BSDC1: variants seen among roughly 807,000 people sequenced by gnomAD.
The protein encoded by BSDC1 is BSD domain-containing protein 1.
In BSDC1, 29 loss-of-function variants were observed where a neutral mutation model predicts 56.0. The ratio of observed to expected loss-of-function variants is 0.52; its 90% CI spans 0.39 to 0.71. The LOEUF (loss-of-function observed/expected upper bound fraction) is 0.71, where lower values mean the gene tolerates loss of function less well. Ranked by LOEUF, BSDC1 falls within the 30% of genes least tolerant of loss-of-function variation. BSDC1 has a pLI of 0.00. For synonymous variants in BSDC1, 210 were observed against 215.3 expected, an observed-to-expected ratio of 0.98 and a Z score of 0.21; for missense variants, 477 against 548.5, an observed-to-expected ratio of 0.87 and a Z score of 1.30.
rs921847364 is a variant in BSDC1 at position 32,366,175 on chromosome 1, G to A, written c.*447C>T. 7.6e-5 allele frequency: 18 copies of A among 236,386 alleles called. 1 individual carries two copies. The Admixed American group carries it at 9.0e-4, about 12-fold the overall frequency. The allele number at this position is 236,386 out of a possible 1,614,324, so 14.6% of individuals were successfully genotyped here. ...GTTCACTGTCCCTGTTTAGCCAAGG[G>A]TAGGTGGCATGGCCCTCCCTGCCTG... On this transcript the variant is annotated 3_prime_UTR_variant, in exon 11 of 11. Transcript: ENST00000455895.
rs1338445652 is a variant in BSDC1, at chr1:32,368,491, C to T, written c.1216G>A (p.Glu406Lys). The T allele has an allele frequency of 6.2e-7, 1 of 1,614,152 alleles. No individual in the cohort carries two copies. The highest frequency in any genetic ancestry group is 8.5e-7 in the Non-Finnish European group (1 of 1,180,030). Reference sequence around the variant, plus strand: ...TTGGAAAGTGCCATCTGCACCTCCTCTTCAGTCATGTCCAAGTCAAAGTCT... The same window carrying T: ...TTGGAAAGTGCCATCTGCACCTCCTTTTCAGTCATGTCCAAGTCAAAGTCT... ...EKDFDLDMTE[E>K]EVQMALSKVD... Residue 406 changes from glutamate to lysine, a missense_variant, in exon 10 of 11, where the codon GAG becomes AAG. Glu to Lys is a moderately conservative substitution (Grantham distance 56). Coordinates refer to ENST00000455895, the MANE Select transcript of BSDC1 (RefSeq NM_018045.8).
In BSDC1 at chr1:32,364,971, C is replaced by T. The variant is rs1446157050; in HGVS notation, c.*1651G>A. 6.6e-6 allele frequency: 1 copy of T among 152,306 alleles called. No homozygotes were observed. Among genetic ancestry groups the T allele is most frequent in the Non-Finnish European group, 1.5e-5 (1 of 68,132 alleles). 9.4% of individuals were successfully genotyped at this position (152,306 alleles called of 1,614,324 possible). A position where few individuals can be genotyped will look rare whatever the true frequency, so the allele number is the denominator to read the frequency against. On this transcript the variant is annotated 3_prime_UTR_variant, in exon 11 of 11. Coordinates refer to ENST00000455895, the MANE Select transcript of BSDC1 (RefSeq NM_018045.8). ...TCTCATCCCAAAGGCAAAGCTGAAT[C>T]TGGGATGAGGACAAGGTACGTCCTC...
chr1:32,388,689 T>C (rs1642755170), intron 2 of BSDC1, among the ~76,000 whole-genome samples: 1 of 152,214 alleles, frequency 6.6e-6, no homozygotes, highest in Non-Finnish European at 1.5e-5. Flanking sequence ...ACTGTGCCGT[T>C]CACTGAGCTC....
chr1:32,368,066 C>A, intron 10 of BSDC1: 9 of 1,167,874 alleles, frequency 7.7e-6, no homozygotes, highest in Middle Eastern at 3.6e-4. Context: ...GAAATGGGGT[C>A]TCACTATATT....
chr1:32,371,741 C>A (rs1642098387), intron 9 of BSDC1, among the ~76,000 whole-genome samples: 1 of 152,112 alleles, frequency 6.6e-6, no homozygotes. Context: ...AGACCTACCC[C>A]TCAGCCCCGC....
intron 2 of BSDC1, chr1:32,393,731 T>C (rs768769538): frequency 3.3e-6 from 1 of 306,456 alleles, no homozygotes; most frequent in South Asian, 4.9e-5. Context: ...TACGAGTAAG[T>C]TTTTTTACTG....
At chr1:32,383,793 A>G in intron 4 of BSDC1, 37 bp downstream of exon 4, 4 of 1,599,134 alleles carry the variant, frequency 2.5e-6, no homozygotes, top group Non-Finnish European at 3.4e-6. Context: ...CAGGTTACAG[A>G]TGTTAGGCAT....
At chr1:32,384,643 T>C (rs968672593) in intron 3 of BSDC1, among the ~76,000 whole-genome samples, 6 of 152,158 alleles carry the variant, frequency 3.9e-5, no homozygotes, top group African/African-American at 9.7e-5. Context: ...TTAGAACAGA[T>C]AGCCTTGCCT....
chr1:32,374,396 G>A (rs993197029), intron 9 of BSDC1, among the ~76,000 whole-genome samples: 1 of 152,198 alleles, frequency 6.6e-6, no homozygotes, highest in African/African-American at 2.4e-5. Context: ...TATGAACAAA[G>A]TTGGGATTTG....
rs1360689930 is a variant in BSDC1 at position 32,379,648 on chromosome 1, T to C, written c.413-809A>G. 2.0e-5 allele frequency among the ~76,000 whole-genome samples: 3 copies of C among 152,336 alleles called. No individual in the cohort carries two copies. The East Asian group carries it at 5.8e-4, about 29-fold the overall frequency. On this transcript the variant is annotated intron_variant, in intron 5 of 10. Coordinates refer to ENST00000455895, the MANE Select transcript of BSDC1 (RefSeq NM_018045.8). ...GCTCTGTCACCAGGCTGGAGTGCAG[T>C]GGCACAACCGTGGCTCACTGCAACC...
rs530701152 is a variant in BSDC1, at chr1:32,389,197, G to A, written c.73-2302C>T. ...TCTCGATCTCCTGACCTCATGATTC[G>A]CCCACCTTGGCCTCCCAATTTATCT... On this transcript the variant is annotated intron_variant, in intron 2 of 10. Transcript: ENST00000455895. Among the ~76,000 whole-genome samples, 116 of 151,950 alleles carry A rather than the reference G, an allele frequency of 7.6e-4. 1 individual carries two copies. The highest frequency in any genetic ancestry group is 2.7e-3 in the Admixed American group (41 of 15,252).
intron 2 of BSDC1, 142 bp downstream of exon 2, chr1:32,393,938 G>A (rs1290596341): frequency 1.4e-5 from 10 of 713,032 alleles, no homozygotes; most frequent in Non-Finnish European, 4.7e-6. Flanking sequence ...CCCGTGGACC[G>A]GTAGAGGCTA....
At position 32,378,265 on chromosome 1, in the gene BSDC1, G is replaced by A. The variant is rs1471030821; in HGVS notation, c.547C>T (p.His183Tyr). 2.5e-6 allele frequency: 4 copies of A among 1,614,226 alleles called. No individual in the cohort carries two copies. The highest frequency in any genetic ancestry group is 3.4e-6 in the Non-Finnish European group (4 of 1,180,032). Residue 183 changes from histidine (H) to tyrosine (Y), a missense_variant, in exon 7 of 11, where the codon CAT becomes TAT. His to Tyr is a moderately conservative substitution (Grantham distance 83). Transcript: ENST00000455895. This position sits in a 1 kb window ranked among gnomAD's most constrained non-coding sequence, Gnocchi z 5.2. ...AAATACCGATGCCAGAATTCTGAAT[G>A]GGAAACAGCTGCTGGAACCTGGAGG... ...YTKMVPAAVS[H>Y]SEFWHRYFYK...
chr1:32,394,403 C>A lies in BSDC1; in HGVS notation c.11+1G>T. 1 of 1,614,198 alleles carries A rather than the reference C, an allele frequency of 6.2e-7. No individual in the cohort carries two copies. The highest frequency in any genetic ancestry group is 8.5e-7 in the Non-Finnish European group (1 of 1,180,038). ...GCCTAGGAGCAAAACGACAAGCTCACCCTTCCGCCATCTTGCCTGCATGAC... is the reference window on the plus strand; with the variant it reads ...GCCTAGGAGCAAAACGACAAGCTCAACCTTCCGCCATCTTGCCTGCATGAC... On this transcript the variant is annotated splice_donor_variant, in intron 1 of 10. Coordinates refer to ENST00000455895, the MANE Select transcript of BSDC1 (RefSeq NM_018045.8). LOFTEE classifies it high-confidence loss of function.
intron 4 of BSDC1, among the ~76,000 whole-genome samples, chr1:32,383,418 A>G (rs1373826417): frequency 6.6e-6 from 1 of 151,612 alleles, no homozygotes; most frequent in African/African-American, 2.4e-5. Flanking sequence ...TGAGCCCCAG[A>G]GAGAGCTTGG....
At chr1:32,381,336 G>C in intron 4 of BSDC1, 68 bp from the exon 5 acceptor site, 2 of 1,464,248 alleles carry the variant, frequency 1.4e-6, no homozygotes, top group Non-Finnish European at 9.5e-7. Flanking sequence ...CCCTTTCTCT[G>C]CCAGGATACT....
intron 2 of BSDC1, among the ~76,000 whole-genome samples, chr1:32,390,175 G>T (rs1642818425): frequency 6.6e-6 from 1 of 152,180 alleles, no homozygotes; most frequent in Non-Finnish European, 1.5e-5. Flanking sequence ...TTTGAAGTGG[G>T]TGGGACATGA....
intron 3 of BSDC1, among the ~76,000 whole-genome samples, chr1:32,385,150 A>T (rs114046054): frequency 0.014 from 2,063 of 152,346 alleles, 48 homozygotes; most frequent in African/African-American, 0.046. Context: ...TATAAAAAAC[A>T]GTATGCTTTA....
chr1:32,367,013 G>A (rs568702944), intron 10 of BSDC1: 2 of 1,035,580 alleles, frequency 1.9e-6, no homozygotes, highest in Non-Finnish European at 2.3e-6. Flanking sequence ...GAGAAGCAGA[G>A]AACTCAGGAG....
Sources: gnomAD v4.1 joint callset for allele counts (sites outside exome capture counted in the v4.1 genomes callset) on GRCh38, gnomAD v4.1.1 for gene constraint, Gnocchi (gnomAD v3.1) non-coding constraint, MANE v1.5 for transcripts, NCBI Gene and HGNC (gene_info 2026-07-23, HGNC 2026-07-21) for gene names.